Variants in ZNF724 observed in about 807,000 individuals in gnomAD.
The protein encoded by ZNF724 is zinc finger protein 724 pseudogene.
Under a neutral mutation model 29.3 loss-of-function variants are expected in ZNF724, and 14 were observed. That is an observed-to-expected ratio of 0.48 (90% CI 0.32 to 0.75). ZNF724 has a LOEUF of 0.75. Ranked by LOEUF, ZNF724 falls within the 30% of genes least tolerant of loss-of-function variation. ZNF724 has a pLI of 0.04. For missense variants in ZNF724, 557 were observed against 571.2 expected (o/e 0.98, Z 0.25); for synonymous variants, 180 against 193.6 (o/e 0.93, Z 0.58).
chr19:23,234,835 G>C (rs973176734), intron 1 of ZNF724, among the ~76,000 whole-genome samples: 2 of 152,070 alleles, frequency 1.3e-5, no homozygotes, highest in Non-Finnish European at 2.9e-5. Context: ...GTTTTCAAAG[G>C]GTTCATGAAT....
At chr19:23,249,938 C>A (rs1243575189) in intron 1 of ZNF724, among the ~76,000 whole-genome samples, 4 of 152,200 alleles carry the variant, frequency 2.6e-5, no homozygotes, top group Non-Finnish European at 5.9e-5. Flanking sequence ...CCCCTGACTA[C>A]CCTCCCTTGG....
At chr19:23,230,679 T>G (rs931823105) in intron 3 of ZNF724, among the ~76,000 whole-genome samples, 1 of 152,098 alleles carries the variant, frequency 6.6e-6, no homozygotes, top group African/African-American at 2.4e-5. Flanking sequence ...TGTAGTCTTG[T>G]ATATGCCAAA....
intron 3 of ZNF724, among the ~76,000 whole-genome samples, chr19:23,226,988 A>T (rs1443657892): frequency 1.5e-5 from 2 of 132,334 alleles, no homozygotes; most frequent in Non-Finnish European, 3.3e-5. Context: ...ATGTTTACTC[A>T]AACTCTGGTA....
chr19:23,227,560 A>AC (rs1555724210), intron 3 of ZNF724, among the ~76,000 whole-genome samples: 25 of 111,184 alleles, frequency 2.2e-4, no homozygotes, highest in African/African-American at 6.1e-4. Context: ...CATCTCAAAA[A>AC]AAAAAAAAAA....
intron 1 of ZNF724, chr19:23,236,428 G>GC (rs2145784633): frequency 6.6e-6 from 1 of 152,526 alleles, no homozygotes; most frequent in African/African-American, 2.4e-5. Context: ...TGGATTTTCA[G>GC]CATCAGTCCG....
chr19:23,239,455 C>A (rs941034164), intron 1 of ZNF724, among the ~76,000 whole-genome samples: 4 of 152,096 alleles, frequency 2.6e-5, no homozygotes, highest in East Asian at 1.9e-4. Context: ...ATTTAAAAAC[C>A]TTCACCTGAA....
intron 2 of ZNF724, 122 bp downstream of exon 2, chr19:23,232,045 T>C (rs1971943129): frequency 1.1e-6 from 1 of 928,964 alleles, no homozygotes; most frequent in Admixed American, 2.2e-5. Context: ...CCCCCAAGAT[T>C]TTCTTAGAAA....
At chr19:23,237,382 A>G (rs1028941012) in intron 1 of ZNF724, among the ~76,000 whole-genome samples, 19 of 152,136 alleles carry the variant, frequency 1.2e-4, no homozygotes, top group African/African-American at 4.3e-4. Context: ...TGTCAGGCTA[A>G]TATCTACTGT....
rs1233322855 is a variant in ZNF724, at chr19:23,237,604, G to GA, written c.4-5312dup. Among the ~76,000 whole-genome samples the GA allele has an allele frequency of 1.2e-4, 18 of 149,680 alleles. No individual in the cohort carries two copies. The East Asian group carries it at 3.6e-3, about 30-fold the overall frequency. On this transcript the variant is annotated intron_variant, in intron 1 of 3. Transcript: ENST00000418100. ...GTGGTCTTATATTCATAATATTGTA[G>GA]AAAATACCGTATAATTTAGGTCGGG... is the stretch of plus-strand genomic sequence containing the variant.
intron 3 of ZNF724, 155 bp downstream of exon 3, chr19:23,231,111 G>A (rs1424753460): frequency 1.9e-5 from 10 of 526,704 alleles, no homozygotes; most frequent in Non-Finnish European, 1.9e-5. Flanking sequence ...TCGAACACCC[G>A]ACCTTAGGTC....
At chr19:23,228,876 C>A (rs1012749304) in intron 3 of ZNF724, among the ~76,000 whole-genome samples, 42 of 146,716 alleles carry the variant, frequency 2.9e-4, no homozygotes, top group African/African-American at 9.9e-4. Context: ...GGCGACAGAG[C>A]GAGACTCCAA....
rs1241759874 is a variant in ZNF724, at chr19:23,222,322, C to G, written c.*63G>C. On this transcript the variant is annotated 3_prime_UTR_variant, in exon 4 of 4. Coordinates refer to ENST00000418100, the MANE Select transcript of ZNF724 (RefSeq NM_001355404.2). Reference sequence around the variant, plus strand: ...TCAATCTCTTGATCTTGTGATCCACCCGCCTTGGCCTCCCAAAGTGCTGGG... The same window carrying G: ...TCAATCTCTTGATCTTGTGATCCACGCGCCTTGGCCTCCCAAAGTGCTGGG... The G allele has an allele frequency of 4.3e-6, 3 of 693,540 alleles. No individual in the cohort carries two copies. Among genetic ancestry groups the G allele is most frequent in the Non-Finnish European group, 7.3e-6 (3 of 413,626 alleles). The allele number at this position is 693,540 out of a possible 1,614,324, so 43.0% of individuals were successfully genotyped here. A position where few individuals can be genotyped will look rare whatever the true frequency, so the allele number is the denominator to read the frequency against.
At chr19:23,249,613 C>T (rs1972312149) in intron 1 of ZNF724, among the ~76,000 whole-genome samples, 1 of 152,142 alleles carries the variant, frequency 6.6e-6, no homozygotes, top group African/African-American at 2.4e-5. Context: ...GTTGGTCAGG[C>T]TGGTCTCGAA....
At chr19:23,234,263 T>G (rs1009153617) in intron 1 of ZNF724, among the ~76,000 whole-genome samples, 11 of 152,154 alleles carry the variant, frequency 7.2e-5, no homozygotes, top group Non-Finnish European at 1.6e-4. Flanking sequence ...AACATAAATG[T>G]GTCCACACAA....
rs374648569 is a variant in ZNF724 at position 23,231,641 on chromosome 19, ATAC to A, written c.131-283_131-281del. 5.9e-5 allele frequency among the ~76,000 whole-genome samples: 9 copies of A among 152,290 alleles called. No individual in the cohort carries two copies. The East Asian group carries it at 1.2e-3, about 20-fold the overall frequency. On this transcript the variant is annotated intron_variant, in intron 2 of 3. Coordinates refer to ENST00000418100, the MANE Select transcript of ZNF724 (RefSeq NM_001355404.2). ...AATTACCACTAATTTAGAGTGAAGG[ATAC>A]AGATCAGCTCAGGAATATAAAAAGT...
rs1972332671 is a variant in ZNF724, at chr19:23,250,379, A to G, written c.-137T>C. 4.3e-6 allele frequency: 2 copies of G among 462,232 alleles called. No individual in the cohort carries two copies. The highest frequency in any genetic ancestry group is 5.3e-5 in the Admixed American group (2 of 37,842). 28.6% of individuals were successfully genotyped at this position (462,232 alleles called of 1,614,324 possible). A position where few individuals can be genotyped will look rare whatever the true frequency, so the allele number is the denominator to read the frequency against. On this transcript the variant is annotated 5_prime_UTR_variant, in exon 1 of 4. Coordinates refer to ENST00000418100, the MANE Select transcript of ZNF724 (RefSeq NM_001355404.2). ...AGACGAGACCAAGCGCTCCAGCTGC[A>G]GCGAGAGACAAAGGCCCCGCCAAAT...
intron 1 of ZNF724, among the ~76,000 whole-genome samples, chr19:23,234,576 C>G (rs1207045789): frequency 6.6e-6 from 1 of 152,096 alleles, no homozygotes; most frequent in Non-Finnish European, 1.5e-5. Context: ...CTCAGCCTCC[C>G]AAGTAGCTGA....
intron 1 of ZNF724, among the ~76,000 whole-genome samples, chr19:23,249,660 A>G (rs1001434488): frequency 2.6e-5 from 4 of 151,668 alleles, no homozygotes; most frequent in African/African-American, 9.7e-5. Flanking sequence ...CGGCCTCCCA[A>G]AGTGCTAGCA....
At chr19:23,231,460 A>G in intron 2 of ZNF724, 99 bp from the exon 3 acceptor site, 1 of 876,028 alleles carries the variant, frequency 1.1e-6, no homozygotes, top group Non-Finnish European at 1.6e-6. Flanking sequence ...AATTAATTAC[A>G]AAATACAAAT....
Sources: gnomAD v4.1 joint callset for allele counts (sites outside exome capture counted in the v4.1 genomes callset) on GRCh38, gnomAD v4.1.1 for gene constraint, MANE v1.5 for transcripts, NCBI Gene and HGNC (gene_info 2026-07-23, HGNC 2026-07-21) for gene names.